PTCHD4: variants seen among roughly 807,000 people sequenced by gnomAD.
The protein encoded by PTCHD4 is patched domain containing 4.
A neutral mutation model predicts 58.1 loss-of-function variants in PTCHD4; 33 were observed. The observed-to-expected ratio is 0.57, with a 90% CI of 0.43 to 0.76. The LOEUF (loss-of-function observed/expected upper bound fraction) is 0.76, where lower values mean the gene tolerates loss of function less well. Ranked by LOEUF, PTCHD4 falls within the 30% of genes least tolerant of loss-of-function variation. PTCHD4 has a pLI of 0.00. For synonymous variants in PTCHD4, 478 were observed against 409.6 expected, an observed-to-expected ratio of 1.17 and a Z score of -2.02; for missense variants, 1,058 against 1,027.1, an observed-to-expected ratio of 1.03 and a Z score of -0.41.
chr6:47,955,760 A>G, intron 4 of PTCHD4, among the ~76,000 whole-genome samples: 1 of 152,354 alleles, frequency 6.6e-6, no homozygotes, highest in African/African-American at 2.4e-5. Flanking sequence ...GCCATAATAT[A>G]TAACAGAATA....
At chr6:48,075,472 T>A (rs1765046702) in intron 1 of PTCHD4, among the ~76,000 whole-genome samples, 1 of 150,866 alleles carries the variant, frequency 6.6e-6, no homozygotes, top group Non-Finnish European at 1.5e-5. Context: ...GTTAGTTTAA[T>A]CACTTAACTG....
At chr6:48,079,439 C>A (rs1268159009) in intron 1 of PTCHD4, among the ~76,000 whole-genome samples, 2 of 152,056 alleles carry the variant, frequency 1.3e-5, no homozygotes, top group Non-Finnish European at 2.9e-5. Flanking sequence ...ACTTAATGGG[C>A]TCTGTATTTA....
rs1763397957 is a variant in PTCHD4, at chr6:47,860,447, T to C, written c.*17856A>G. Among the ~76,000 whole-genome samples, 1 of 152,032 alleles carries C rather than the reference T, an allele frequency of 6.6e-6. No individual in the cohort carries two copies. Among genetic ancestry groups the C allele is most frequent in the Non-Finnish European group, 1.5e-5 (1 of 67,956 alleles). ...GGTAGAACTCAGTGGATAAGACACA[T>C]GATCTGATTTTGTTTAGTAATCTAC... On this transcript the variant is annotated 3_prime_UTR_variant, in exon 5 of 5. Coordinates refer to ENST00000339488, the MANE Select transcript of PTCHD4 (RefSeq NM_001384253.1).
intron 4 of PTCHD4, among the ~76,000 whole-genome samples, chr6:47,989,341 T>A (rs768556107): frequency 3.3e-5 from 5 of 152,192 alleles, no homozygotes; most frequent in South Asian, 2.1e-4. Flanking sequence ...ACCCATTTAC[T>A]GAAGAGGAAT....
intron 4 of PTCHD4, among the ~76,000 whole-genome samples, chr6:47,892,272 T>A (rs529672590): frequency 6.6e-6 from 1 of 152,138 alleles, no homozygotes; most frequent in Non-Finnish European, 1.5e-5. Context: ...GCATATACTT[T>A]AAAAATTAAG....
At chr6:48,011,247 C>G (rs538746914) in intron 3 of PTCHD4, among the ~76,000 whole-genome samples, 1 of 152,108 alleles carries the variant, frequency 6.6e-6, no homozygotes, top group Non-Finnish European at 1.5e-5. Context: ...TCTGTTGTTT[C>G]CTGACTTTTT....
At chr6:47,960,399 A>G (rs1436100993) in intron 4 of PTCHD4, among the ~76,000 whole-genome samples, 1 of 152,188 alleles carries the variant, frequency 6.6e-6, no homozygotes, top group African/African-American at 2.4e-5. Flanking sequence ...TGCTCCAATT[A>G]AAAGACGAAA....
Position 47,866,453 on chromosome 6 carries a change from G to T in PTCHD4, c.*11850C>A, listed in dbSNP as rs1723012275. 1.3e-5 allele frequency among the ~76,000 whole-genome samples: 2 copies of T among 151,684 alleles called. No homozygotes were observed. Among genetic ancestry groups the T allele is most frequent in the Non-Finnish European group, 2.9e-5 (2 of 67,840 alleles). On this transcript the variant is annotated 3_prime_UTR_variant, in exon 5 of 5. Transcript: ENST00000339488. ...AACCACTAGCTTTGTTACTCCTAGGGTTATCCAAAATGTCTCTTAGAGTGT... is the reference window on the plus strand; with the variant it reads ...AACCACTAGCTTTGTTACTCCTAGGTTTATCCAAAATGTCTCTTAGAGTGT...
intron 3 of PTCHD4, among the ~76,000 whole-genome samples, chr6:48,063,756 G>T (rs1243802063): frequency 1.3e-5 from 2 of 152,090 alleles, no homozygotes; most frequent in East Asian, 3.9e-4. Context: ...CAGTCAGAAA[G>T]GTAAGCTTAA....
rs183377909 is a variant in PTCHD4 at position 48,092,714 on chromosome 6, T to C, written c.-970+18335A>G. Among the ~76,000 whole-genome samples, 5 of 152,152 alleles carry C rather than the reference T, an allele frequency of 3.3e-5. No homozygotes were observed. The East Asian group carries it at 9.7e-4, about 30-fold the overall frequency. On this transcript the variant is annotated intron_variant, in intron 1 of 4. Transcript: ENST00000339488. ...GCAGAAAGGGTCAGGACAGGACAGG[T>C]TTAGCATAAAACGTCATGGGGAATA...
At chr6:48,077,625 T>A (rs1427056201) in intron 1 of PTCHD4, among the ~76,000 whole-genome samples, 1 of 152,238 alleles carries the variant, frequency 6.6e-6, no homozygotes, top group African/African-American at 2.4e-5. Context: ...CTAAGCTTAA[T>A]CATTTCTAGC....
intron 4 of PTCHD4, among the ~76,000 whole-genome samples, chr6:47,882,052 G>A (rs1223689953): frequency 1.3e-5 from 2 of 151,696 alleles, no homozygotes; most frequent in Non-Finnish European, 2.9e-5. Flanking sequence ...TCCTATCTTC[G>A]GCAAAACTCC....
In PTCHD4 at chr6:47,865,200, A is replaced by G. The variant is rs1168604927; in HGVS notation, c.*13103T>C. Among the ~76,000 whole-genome samples, 4 of 151,964 alleles carry G rather than the reference A, an allele frequency of 2.6e-5. No homozygotes were observed. The highest frequency in any genetic ancestry group is 4.4e-5 in the Non-Finnish European group (3 of 67,924). The stretch of plus-strand genomic sequence containing the variant: ...ATACCTGAGTATCCAGTAATTTTAC[A>G]TGGAAAAAAGTATAAAAGATTAGAC... On this transcript the variant is annotated 3_prime_UTR_variant, in exon 5 of 5. Coordinates refer to ENST00000339488, the MANE Select transcript of PTCHD4 (RefSeq NM_001384253.1).
At chr6:47,919,700 C>A (rs1765372870) in intron 4 of PTCHD4, among the ~76,000 whole-genome samples, 1 of 152,002 alleles carries the variant, frequency 6.6e-6, no homozygotes, top group Admixed American at 6.6e-5. Context: ...AGAGGGCAAC[C>A]ATTAAAAGGC....
chr6:47,913,017 AC>A (rs1375174511), intron 4 of PTCHD4, among the ~76,000 whole-genome samples: 1 of 152,100 alleles, frequency 6.6e-6, no homozygotes, highest in African/African-American at 2.4e-5. Context: ...GTTCTGAGTG[AC>A]CAGCACTGCT....
At chr6:48,033,297 G>A (rs563225598) in intron 3 of PTCHD4, among the ~76,000 whole-genome samples, 74 of 152,136 alleles carry the variant, frequency 4.9e-4, no homozygotes, top group African/African-American at 1.6e-3. Flanking sequence ...GAAGCTGAGA[G>A]TGAGAAGCCC....
chr6:47,993,278 A>T (rs1413534769), intron 4 of PTCHD4, among the ~76,000 whole-genome samples: 1 of 152,106 alleles, frequency 6.6e-6, no homozygotes, highest in African/African-American at 2.4e-5. Context: ...CCAGCCTCCG[A>T]TTTTACCAAT....
intron 4 of PTCHD4, among the ~76,000 whole-genome samples, chr6:47,992,652 A>G (rs1768324433): frequency 6.6e-6 from 1 of 152,214 alleles, no homozygotes; most frequent in Admixed American, 6.5e-5. Context: ...TTCATTTGAT[A>G]TCTCTGTATA....
At chr6:48,023,751 C>A (rs555738167) in intron 3 of PTCHD4, among the ~76,000 whole-genome samples, 1 of 152,108 alleles carries the variant, frequency 6.6e-6, no homozygotes, top group Non-Finnish European at 1.5e-5. Flanking sequence ...CAAATAACTA[C>A]CTTTTTTAAA....
Sources: allele counts gnomAD v4.1 joint callset (sites outside exome capture counted in the v4.1 genomes callset), GRCh38; gene constraint gnomAD v4.1.1; transcripts MANE v1.5; gene names NCBI Gene and HGNC (gene_info 2026-07-23, HGNC 2026-07-21).